The following VTI1A variants were observed in gnomAD, a reference collection of about 807,000 sequenced individuals.
The protein encoded by VTI1A is vesicle transport through interaction with t-SNAREs homolog 1A.
VTI1A carries 22 observed loss-of-function variants against 34.9 expected under a neutral mutation model. The ratio of observed to expected loss-of-function variants is 0.63; its 90% CI spans 0.45 to 0.90. The LOEUF (loss-of-function observed/expected upper bound fraction) is 0.90, where lower values mean the gene tolerates loss of function less well. Ranked by LOEUF, VTI1A falls within the 40% of genes least tolerant of loss-of-function variation. The pLI is 0.00. For missense variants in VTI1A, 268 were observed against 275.6 expected (o/e 0.97, Z 0.20); for synonymous variants, 87 against 97.3 (o/e 0.89, Z 0.62).
At chr10:112,826,883 C>G in the VTI1A span, 1 of 152,150 alleles carries the variant, frequency 6.6e-6, no homozygotes, top group African/African-American at 2.4e-5. Flanking sequence ...AGTAATACTG[C>G]TTTAAGGTAA....
At chr10:112,772,985 G>A (rs770091251) in intron 7 of VTI1A, among the ~76,000 whole-genome samples, 3 of 152,152 alleles carry the variant, frequency 2.0e-5, no homozygotes, top group Non-Finnish European at 4.4e-5. Flanking sequence ...AGTGTAACTC[G>A]AAAACTCACA....
At chr10:112,639,325 C>T (rs980603445) in intron 5 of VTI1A, among the ~76,000 whole-genome samples, 2 of 152,104 alleles carry the variant, frequency 1.3e-5, no homozygotes, top group South Asian at 2.1e-4. Context: ...AGCTTTTAGA[C>T]GTATAGGAGA....
intron 5 of VTI1A, among the ~76,000 whole-genome samples, chr10:112,566,282 C>T (rs1851901167): frequency 6.6e-6 from 1 of 152,026 alleles, no homozygotes. Flanking sequence ...AAAAAACTTA[C>T]AGTGATATTT....
chr10:112,456,694 CT>C (rs1317968131), intron 1 of VTI1A, among the ~76,000 whole-genome samples: 7 of 152,186 alleles, frequency 4.6e-5, no homozygotes, highest in African/African-American at 1.4e-4. Flanking sequence ...CTTAAACCCC[CT>C]TATTCCAGTC....
At chr10:112,798,297 G>A (rs758858096) in intron 7 of VTI1A, among the ~76,000 whole-genome samples, 1 of 152,176 alleles carries the variant, frequency 6.6e-6, no homozygotes, top group Non-Finnish European at 1.5e-5. Context: ...CTTTCAACAC[G>A]TCTTCCACAG....
At chr10:112,832,140 T>A in the VTI1A span, 1 of 152,236 alleles carries the variant, frequency 6.6e-6, no homozygotes, top group Non-Finnish European at 1.5e-5. Context: ...GACAATCAAA[T>A]GCCCGCCGAG....
rs11815403 is a variant in VTI1A, at chr10:112,629,472, A to G, written c.428-38746A>G. Among the ~76,000 whole-genome samples, 870 of 152,322 alleles carry G rather than the reference A, an allele frequency of 5.7e-3. 11 individuals carry two copies. The highest frequency in any genetic ancestry group is 0.02 in the African/African-American group (841 of 41,578). On this transcript the variant is annotated intron_variant, in intron 5 of 7. Transcript: ENST00000393077. ...TTATCTGGGATTTCCCCCACATTGG[A>G]ATTAAGAAGAAACAGAATCTTTTAA... is the stretch of plus-strand genomic sequence containing the variant.
In VTI1A at chr10:112,811,712, A is replaced by AAAT. The variant is rs67154330; in HGVS notation, c.561-3578_561-3577insAAT. ...AAAAAAAAAAAAAAAAAAAAAAAAA[A>AAAT]GAGTGCAGTCCATGCCTGGAAGTAG... is the stretch of plus-strand genomic sequence containing the variant. On this transcript the variant is annotated intron_variant, in intron 7 of 7. Coordinates refer to ENST00000393077, the MANE Select transcript of VTI1A (RefSeq NM_145206.4). Among the ~76,000 whole-genome samples the AAAT allele has an allele frequency of 5.5e-4, 46 of 84,056 alleles. 14 individuals are homozygous for AAAT. The highest frequency in any genetic ancestry group is 2.0e-3 in the South Asian group (5 of 2,516). The allele number at this position is 84,056 out of a possible 152,430, so 55.1% of individuals were successfully genotyped here. A position where few individuals can be genotyped will look rare whatever the true frequency, so the allele number is the denominator to read the frequency against.
At chr10:112,842,726 G>A in the VTI1A span, among the ~76,000 whole-genome samples, 8 of 152,150 alleles carry the variant, frequency 5.3e-5, no homozygotes, top group East Asian at 5.8e-4. Flanking sequence ...CACAGAAAAC[G>A]GGGAGCAAAT....
chr10:112,849,252 C>T, the VTI1A span, among the ~76,000 whole-genome samples: 1 of 152,216 alleles, frequency 6.6e-6, no homozygotes, highest in African/African-American at 2.4e-5. Context: ...GTTAAGACTC[C>T]AAGTGGTGGC....
At chr10:112,760,483 C>G (rs1851425823) in intron 7 of VTI1A, among the ~76,000 whole-genome samples, 1 of 152,144 alleles carries the variant, frequency 6.6e-6, no homozygotes, top group South Asian at 2.1e-4. Context: ...CTGTTCTATT[C>G]TAAAATGTTA....
chr10:112,450,485 T>A (rs1435182720), intron 1 of VTI1A: 1 of 152,158 alleles, frequency 6.6e-6, no homozygotes, highest in African/African-American at 2.4e-5. Flanking sequence ...TTAAGAAGGA[T>A]AAAAATTGGA....
chr10:112,700,135 A>AAC (rs1848955168), intron 7 of VTI1A, among the ~76,000 whole-genome samples: 1 of 138,540 alleles, frequency 7.2e-6, no homozygotes, highest in African/African-American at 3.3e-5. Context: ...AAAAAAAAAA[A>AAC]CAAAACAAAA....
chr10:112,737,066 T>TTTTTTC, intron 7 of VTI1A: 1 of 416,534 alleles, frequency 2.4e-6, no homozygotes, highest in Admixed American at 4.0e-5. Context: ...TTTTTTCTTT[T>TTTTTTC]TTTTTCTTTT....
At chr10:112,761,607 C>A (rs1174704332) in intron 7 of VTI1A, among the ~76,000 whole-genome samples, 2 of 152,118 alleles carry the variant, frequency 1.3e-5, no homozygotes, top group Non-Finnish European at 2.9e-5. Context: ...AATGTCAATG[C>A]AATGTGTTAC....
chr10:112,833,907 A>G, the VTI1A span, among the ~76,000 whole-genome samples: 1 of 152,162 alleles, frequency 6.6e-6, no homozygotes, highest in Admixed American at 6.5e-5. Flanking sequence ...TATCCCTCCA[A>G]AGGGCTTCTG....
chr10:112,794,574 AT>A (rs1248696011), intron 7 of VTI1A, among the ~76,000 whole-genome samples: 1 of 152,050 alleles, frequency 6.6e-6, no homozygotes, highest in African/African-American at 2.4e-5. Context: ...ATAAAATAAA[AT>A]AATAAATAAA....
intron 7 of VTI1A, chr10:112,737,073 T>G (rs1259145581): frequency 2.6e-6 from 1 of 380,840 alleles, no homozygotes; most frequent in Non-Finnish European, 4.7e-6. Flanking sequence ...TTTTTTTTTC[T>G]TTTTCTTTTT....
chr10:112,493,330 A>G (rs190076863), intron 3 of VTI1A, among the ~76,000 whole-genome samples: 2 of 152,110 alleles, frequency 1.3e-5, no homozygotes, highest in Admixed American at 1.3e-4. Context: ...ACCTTGCTGA[A>G]CCCTTTTAAT....
Sources: gnomAD v4.1 joint callset for allele counts (sites outside exome capture counted in the v4.1 genomes callset) on GRCh38, gnomAD v4.1.1 for gene constraint, MANE v1.5 for transcripts, NCBI Gene and HGNC (gene_info 2026-07-23, HGNC 2026-07-21) for gene names.